Variants in HBQ1 observed in about 807,000 individuals in gnomAD.
HBQ1 encodes the protein hemoglobin subunit theta 1, also known as hemoglobin subunit theta-1.
HBQ1 carries 9 observed loss-of-function variants against 8.2 expected under a neutral mutation model. That is an observed-to-expected ratio of 1.10 (90% CI 0.66 to 1.92). HBQ1 has a LOEUF of 1.92. Among genes scored for constraint, HBQ1 ranks in the 40% most tolerant of loss-of-function variants. The pLI is 0.00. For missense variants in HBQ1, 216 were observed against 189.3 expected (o/e 1.14, Z -0.83); for synonymous variants, 102 against 100.0 (o/e 1.02, Z -0.12).
chr16:180,644 C>T lies in HBQ1; in HGVS notation c.96-22C>T, dbSNP rs79277966. On this transcript the variant is annotated intron_variant, in intron 1 of 2. Coordinates refer to ENST00000199708, the MANE Select transcript of HBQ1 (RefSeq NM_005331.5). ...CCCTCCCCAAGCCCCCCGGACGCGCCTCACCCACGTTCCTCTCGCAGGACC... is the reference window on the plus strand; with the variant it reads ...CCCTCCCCAAGCCCCCCGGACGCGCTTCACCCACGTTCCTCTCGCAGGACC... The T allele has an allele frequency of 1.3e-3, 1,996 of 1,543,796 alleles. 21 individuals carry two copies. The African/African-American group carries it at 0.024, about 18-fold the overall frequency.
intron 1 of HBQ1, 24 bp from the exon 2 acceptor site, chr16:180,642 G>A: frequency 1.4e-6 from 2 of 1,429,796 alleles, no homozygotes; most frequent in Non-Finnish European, 1.9e-6. Flanking sequence ...CCCCGGACGC[G>A]CCTCACCCAC....
rs751922689 is a variant in HBQ1, at chr16:180,960, G to A, written c.301-20G>A. On this transcript the variant is annotated intron_variant, in intron 2 of 2. Transcript: ENST00000199708. ...GTGCGGGGCGGGTGCAGGCGAGTGA[G>A]CCTTGAGCGCTCGCCGCAGCTCCTG... The A allele has an allele frequency of 6.3e-6, 10 of 1,584,718 alleles. No individual in the cohort carries two copies. The highest frequency in any genetic ancestry group is 4.5e-5 in the South Asian group (4 of 88,514).
Position 180,733 on chromosome 16 carries a change from C to G in HBQ1, c.163C>G (p.Gln55Glu). 1 of 1,593,938 alleles carries G rather than the reference C, an allele frequency of 6.3e-7. No homozygotes were observed. Among genetic ancestry groups the G allele is most frequent in the Non-Finnish European group, 8.5e-7 (1 of 1,171,902 alleles). The part of the protein sequence containing the change: ...SHLDLSPGSS[Q>E]VRAHGQKVAD... Reference sequence around the variant, plus strand: ...CCTGGACCTGAGCCCCGGCTCCTCACAAGTCAGAGCCCACGGCCAGAAGGT... The same window carrying G: ...CCTGGACCTGAGCCCCGGCTCCTCAGAAGTCAGAGCCCACGGCCAGAAGGT... Residue 55 changes from glutamine to glutamate, a missense_variant, in exon 2 of 3, where the codon CAA becomes GAA. By Grantham distance (29) the Gln-to-Glu change is conservative. Transcript: ENST00000199708.
intron 2 of HBQ1, 39 bp downstream of exon 2, chr16:180,909 G>A: frequency 6.6e-7 from 1 of 1,509,476 alleles, no homozygotes; most frequent in African/African-American, 1.4e-5. Context: ...CCCCGGGAGG[G>A]CCCCGGCGGG....
chr16:180,604 GC>G, intron 1 of HBQ1, 23 bp downstream of exon 1: 2 of 1,350,856 alleles, frequency 1.5e-6, no homozygotes, highest in Middle Eastern at 2.1e-4. Flanking sequence ...GGGCGCCCCC[GC>G]CCCCAGGGGC....
chr16:181,027 A>C lies in HBQ1; in HGVS notation c.348A>C (p.Gly116=), dbSNP rs752081969. The change falls in exon 3 of 3, where the codon GGA becomes GGC. Residue 116 remains glycine (G), a synonymous_variant. Coordinates refer to ENST00000199708, the MANE Select transcript of HBQ1 (RefSeq NM_005331.5). ...TAACCCTCGCCCGGCACTACCCCGG[A>C]GACTTCAGCCCCGCGCTGCAGGCGT... ...LLVTLARHYP[G]DFSPALQASL... 33 of 1,612,822 alleles carry C rather than the reference A, an allele frequency of 2.0e-5. No homozygotes were observed. The highest frequency in any genetic ancestry group is 2.5e-5 in the Non-Finnish European group (29 of 1,179,850).
Position 180,801 on chromosome 16 carries a change from A to G in HBQ1, c.231A>G (p.Leu77=), listed in dbSNP as rs1344951131. The change falls in exon 2 of 3, where the codon CTA becomes CTG. Residue 77 remains leucine (L), a synonymous_variant. Coordinates refer to ENST00000199708, the MANE Select transcript of HBQ1 (RefSeq NM_005331.5). ...TCGCCGTGGAGCGCCTGGACGACCT[A>G]CCCCACGCGCTGTCCGCGCTGAGCC... ...LSLAVERLDD[L]PHALSALSHL... is the part of the protein sequence containing the mutation. 8.3e-6 allele frequency: 13 copies of G among 1,558,788 alleles called. No individual in the cohort carries two copies. Among genetic ancestry groups the G allele is most frequent in the Non-Finnish European group, 9.5e-6 (11 of 1,156,028 alleles).
At position 180,478 on chromosome 16, in the gene HBQ1, A is replaced by T; in HGVS notation, c.-9A>T. ...GGGGTCGCAGGGCGCGGCGGGTTCC[A>T]GCGCGGGGATGGCGCTGTCCGCGGA... On this transcript the variant is annotated 5_prime_UTR_variant, in exon 1 of 3. Coordinates refer to ENST00000199708, the MANE Select transcript of HBQ1 (RefSeq NM_005331.5). The T allele has an allele frequency of 6.7e-7, 1 of 1,483,650 alleles. No individual in the cohort carries two copies. The highest frequency in any genetic ancestry group is 8.9e-7 in the Non-Finnish European group (1 of 1,122,008). The allele number at this position is 1,483,650 out of a possible 1,614,324, so 91.9% of individuals were successfully genotyped here.
At position 180,661 on chromosome 16, in the gene HBQ1, C is replaced by A. The variant is rs1333942679; in HGVS notation, c.96-5C>A. 2 of 1,556,964 alleles carry A rather than the reference C, an allele frequency of 1.3e-6. No individual in the cohort carries two copies. Among genetic ancestry groups the A allele is most frequent in the Non-Finnish European group, 1.7e-6 (2 of 1,153,826 alleles). The stretch of plus-strand genomic sequence containing the variant: ...GGACGCGCCTCACCCACGTTCCTCT[C>A]GCAGGACCTTCCTGGCTTTCCCCGC... On this transcript the variant is annotated splice_region_variant and splice_polypyrimidine_tract_variant and intron_variant, in intron 1 of 2. Coordinates refer to ENST00000199708, the MANE Select transcript of HBQ1 (RefSeq NM_005331.5).
rs370841287 is a variant in HBQ1 at position 180,999 on chromosome 16, T to C, written c.320T>C (p.Leu107Pro). 2 of 1,611,272 alleles carry C rather than the reference T, an allele frequency of 1.2e-6. No homozygotes were observed. Among genetic ancestry groups the C allele is most frequent in the Non-Finnish European group, 1.7e-6 (2 of 1,179,436 alleles). The change falls in exon 3 of 3, where the codon CTG becomes CCG. Residue 107 changes from leucine (L) to proline (P), a missense_variant. Transcript: ENST00000199708. ...ASFQLLGHCLLVTLARHYPGD... is the reference protein window; with the variant it reads ...ASFQLLGHCLPVTLARHYPGD... ...CCGCAGCTCCTGGGCCACTGCCTGCTGGTAACCCTCGCCCGGCACTACCCC... is the reference window on the plus strand; with the variant it reads ...CCGCAGCTCCTGGGCCACTGCCTGCCGGTAACCCTCGCCCGGCACTACCCC...
chr16:180,940 G>C, intron 2 of HBQ1, 40 bp from the exon 3 acceptor site: 1 of 1,533,522 alleles, frequency 6.5e-7, no homozygotes, highest in Non-Finnish European at 8.8e-7. Context: ...GGGGCGTGCG[G>C]GGCGGGTGCA....
chr16:180,581 G>A lies in HBQ1; in HGVS notation c.95G>A (p.Arg32Lys). The A allele has an allele frequency of 6.5e-7, 1 of 1,540,638 alleles. No homozygotes were observed. The highest frequency in any genetic ancestry group is 8.7e-7 in the Non-Finnish European group (1 of 1,145,100). Reference sequence around the variant, plus strand: ...GTCTACACGACAGAGGCCCTGGAAAGGTGCGGCAGGCTGGGCGCCCCCGCC... The same window carrying A: ...GTCTACACGACAGAGGCCCTGGAAAAGTGCGGCAGGCTGGGCGCCCCCGCC... Reference protein sequence around the residue: ...VGVYTTEALERTFLAFPATKT... With the variant: ...VGVYTTEALEKTFLAFPATKT... Residue 32 changes from arginine to lysine, a missense_variant and splice_region_variant, in exon 1 of 3, where the codon AGG becomes AAG. Arg to Lys is a conservative substitution (Grantham distance 26). Transcript: ENST00000199708.
chr16:180,889 G>A lies in HBQ1; in HGVS notation c.300+19G>A, dbSNP rs577816923. 3 of 1,525,170 alleles carry A rather than the reference G, an allele frequency of 2.0e-6. No individual in the cohort carries two copies. In the South Asian group the frequency reaches 3.7e-5, roughly 19 times the overall value. The allele number at this position is 1,525,170 out of a possible 1,614,324, so 94.5% of individuals were successfully genotyped here. A position where few individuals can be genotyped will look rare whatever the true frequency, so the allele number is the denominator to read the frequency against. On this transcript the variant is annotated intron_variant, in intron 2 of 2. Transcript: ENST00000199708. ...CTTCCAGGTGAGCGGCTGCCGTGCT[G>A]GGCCCCTGTCCCCGGGAGGGCCCCG...
In HBQ1 at chr16:181,075, C is replaced by T; in HGVS notation, c.396C>T (p.His132=). The T allele has an allele frequency of 1.2e-6, 2 of 1,613,478 alleles. No homozygotes were observed. Among genetic ancestry groups the T allele is most frequent in the Non-Finnish European group, 1.7e-6 (2 of 1,179,904 alleles). The stretch of plus-strand genomic sequence containing the variant: ...CGTCGCTGGACAAGTTCCTGAGCCA[C>T]GTTATCTCGGCGCTGGTTTCCGAGT... ...LQASLDKFLS[H]VISALVSEYR The change falls in exon 3 of 3, where the codon CAC becomes CAT. Residue 132 remains histidine (H), a synonymous_variant. Coordinates refer to ENST00000199708, the MANE Select transcript of HBQ1 (RefSeq NM_005331.5).
chr16:180,564 G>A lies in HBQ1; in HGVS notation c.78G>A (p.Thr26=), dbSNP rs529280017. 8.6e-5 allele frequency: 133 copies of A among 1,541,296 alleles called. 5 individuals carry two copies. In the East Asian group the frequency reaches 1.7e-3, roughly 20 times the overall value. ...TGGGCAGCAACGTCGGCGTCTACAC[G>A]ACAGAGGCCCTGGAAAGGTGCGGCA... The part of the protein sequence containing the change: ...KKLGSNVGVY[T]TEALERTFLA... Residue 26 remains threonine, a synonymous_variant, in exon 1 of 3, where the codon ACG becomes ACA. Transcript: ENST00000199708.
At position 180,961 on chromosome 16, in the gene HBQ1, C is replaced by A; in HGVS notation, c.301-19C>A. Reference sequence around the variant, plus strand: ...TGCGGGGCGGGTGCAGGCGAGTGAGCCTTGAGCGCTCGCCGCAGCTCCTGG... The same window carrying A: ...TGCGGGGCGGGTGCAGGCGAGTGAGACTTGAGCGCTCGCCGCAGCTCCTGG... On this transcript the variant is annotated intron_variant, in intron 2 of 2. Coordinates refer to ENST00000199708, the MANE Select transcript of HBQ1 (RefSeq NM_005331.5). 1 of 1,585,714 alleles carries A rather than the reference C, an allele frequency of 6.3e-7. No homozygotes were observed. Among genetic ancestry groups the A allele is most frequent in the Non-Finnish European group, 8.6e-7 (1 of 1,167,410 alleles).
chr16:180,504 G>A lies in HBQ1; in HGVS notation c.18G>A (p.Glu6=), dbSNP rs1340875320. 2.6e-6 allele frequency: 4 copies of A among 1,528,996 alleles called. No individual in the cohort carries two copies. The African/African-American group carries it at 5.6e-5, about 21-fold the overall frequency. 94.7% of individuals were successfully genotyped at this position (1,528,996 alleles called of 1,614,324 possible). ...GCGCGGGGATGGCGCTGTCCGCGGA[G>A]GACCGGGCGCTGGTGCGCGCCCTGT... The part of the protein sequence containing the change: MALSA[E]DRALVRALWK... The change falls in exon 1 of 3, where the codon GAG becomes GAA. Residue 6 remains glutamate, a synonymous_variant. Coordinates refer to ENST00000199708, the MANE Select transcript of HBQ1 (RefSeq NM_005331.5).
At position 181,018 on chromosome 16, in the gene HBQ1, C is replaced by T. The variant is rs773118421; in HGVS notation, c.339C>T (p.His113=). Residue 113 remains histidine (H), a synonymous_variant, in exon 3 of 3, where the codon CAC becomes CAT. Coordinates refer to ENST00000199708, the MANE Select transcript of HBQ1 (RefSeq NM_005331.5). ...GHCLLVTLAR[H]YPGDFSPALQ... ...GCCTGCTGGTAACCCTCGCCCGGCA[C>T]TACCCCGGAGACTTCAGCCCCGCGC... The T allele has an allele frequency of 1.9e-6, 3 of 1,612,526 alleles. No homozygotes were observed. The highest frequency in any genetic ancestry group is 2.2e-5 in the South Asian group (2 of 90,888).
chr16:180,589 A>T lies in HBQ1; in HGVS notation c.95+8A>T. On this transcript the variant is annotated splice_region_variant and intron_variant, in intron 1 of 2. Coordinates refer to ENST00000199708, the MANE Select transcript of HBQ1 (RefSeq NM_005331.5). ...GACAGAGGCCCTGGAAAGGTGCGGC[A>T]GGCTGGGCGCCCCCGCCCCCAGGGG... is the stretch of plus-strand genomic sequence containing the variant. The T allele has an allele frequency of 1.3e-6, 2 of 1,538,716 alleles. No individual in the cohort carries two copies. The highest frequency in any genetic ancestry group is 1.7e-6 in the Non-Finnish European group (2 of 1,143,490).
Sources: allele counts gnomAD v4.1 joint callset, GRCh38; gene constraint gnomAD v4.1.1; transcripts MANE v1.5; gene names NCBI Gene and HGNC (gene_info 2026-07-23, HGNC 2026-07-21).